The following PPP1R12C variants were observed in gnomAD, a reference collection of about 807,000 sequenced individuals.
PPP1R12C encodes leukocyte receptor cluster (LRC) encoded novel gene 3.
A neutral mutation model predicts 95.6 loss-of-function variants in PPP1R12C; 48 were observed. The observed-to-expected ratio is 0.50, with a 90% CI of 0.40 to 0.64. The LOEUF is 0.64. Among genes scored for constraint, PPP1R12C ranks in the 30% least tolerant of loss-of-function variants. The pLI is 0.00. For synonymous variants in PPP1R12C, 480 were observed against 460.8 expected, an observed-to-expected ratio of 1.04 and a Z score of -0.53; for missense variants, 1,057 against 1,083.3, an observed-to-expected ratio of 0.98 and a Z score of 0.34.
intron 3 of PPP1R12C, among the ~76,000 whole-genome samples, chr19:55,106,041 ATT>A (rs2085034917): frequency 6.6e-6 from 1 of 151,924 alleles, no homozygotes; most frequent in Non-Finnish European, 1.5e-5. Flanking sequence ...CTGAAAGGCG[ATT>A]TTTGTCAATA....
At chr19:55,108,849 G>A (rs2085065913) in intron 3 of PPP1R12C, among the ~76,000 whole-genome samples, 1 of 152,116 alleles carries the variant, frequency 6.6e-6, no homozygotes, top group Admixed American at 6.5e-5. Flanking sequence ...TGAGGTTACA[G>A]GGATGTGCCA....
At chr19:55,113,048 GGGAA>G in intron 1 of PPP1R12C, 1 of 577,868 alleles carries the variant, frequency 1.7e-6, no homozygotes, top group Non-Finnish European at 3.1e-6. Context: ...GAAGTGAACG[GGGAA>G]GGGAGGGGGC....
rs1441659819 is a variant in PPP1R12C at position 55,091,360 on chromosome 19, A to G, written c.*112T>C. 1.7e-6 allele frequency: 2 copies of G among 1,150,214 alleles called. No homozygotes were observed. The highest frequency in any genetic ancestry group is 2.5e-6 in the Non-Finnish European group (2 of 805,846). 71.3% of individuals were successfully genotyped at this position (1,150,214 alleles called of 1,614,324 possible). A position where few individuals can be genotyped will look rare whatever the true frequency, so the allele number is the denominator to read the frequency against. On this transcript the variant is annotated 3_prime_UTR_variant, in exon 22 of 22. Transcript: ENST00000263433. ...CCAGTCCGGAGGTCCCAGGGGGGCTATGGCTTCTCTGAGACTTCCCCCGGA... is the reference window on the plus strand; with the variant it reads ...CCAGTCCGGAGGTCCCAGGGGGGCTGTGGCTTCTCTGAGACTTCCCCCGGA...
intron 6 of PPP1R12C, among the ~76,000 whole-genome samples, chr19:55,097,988 C>A (rs2084940977): frequency 6.6e-6 from 1 of 152,194 alleles, no homozygotes; most frequent in South Asian, 2.1e-4. Flanking sequence ...TGCCCCCCAG[C>A]CTGTGTGAGA....
intron 1 of PPP1R12C, 93 bp from the exon 2 acceptor site, chr19:55,112,888 G>A: frequency 6.5e-7 from 1 of 1,532,258 alleles, no homozygotes; most frequent in South Asian, 1.1e-5. Context: ...AACAGATCCA[G>A]GGACACGGTG....
At position 55,095,869 on chromosome 19, in the gene PPP1R12C, C is replaced by G; in HGVS notation, c.1225G>C (p.Val409Leu). 6 of 1,613,708 alleles carry G rather than the reference C, an allele frequency of 3.7e-6. No homozygotes were observed. The highest frequency in any genetic ancestry group is 2.2e-5 in the South Asian group (2 of 91,080). The change falls in exon 9 of 22, where the codon GTG becomes CTG. Residue 409 changes from valine (V) to leucine (L), a missense_variant and splice_region_variant. Val to Leu is a conservative substitution (Grantham distance 32). Around this residue, in one of 5 missense-constraint regions of PPP1R12C, gnomAD observed 356 missense variants for 330.5 expected, o/e 1.08. Coordinates refer to ENST00000263433, the MANE Select transcript of PPP1R12C (RefSeq NM_017607.4). Reference sequence around the variant, plus strand: ...GACCTCTCAGGGCATCCACTCACCACGGGACTCTTAGGGCTGGGGTGCGGC... The same window carrying G: ...GACCTCTCAGGGCATCCACTCACCAGGGGACTCTTAGGGCTGGGGTGCGGC... ...SPPHPSPKSP[V>L]QLEEAPFSRR...
chr19:55,116,919 C>T (rs2085160338), intron 1 of PPP1R12C, among the ~76,000 whole-genome samples: 1 of 152,056 alleles, frequency 6.6e-6, no homozygotes, highest in African/African-American at 2.4e-5. Flanking sequence ...AAAGCCAGGG[C>T]CAGTTAAAGC....
In PPP1R12C at chr19:55,103,475, C is replaced by T. The variant is rs763251993; in HGVS notation, c.665G>A (p.Arg222Gln). ...WLNGGAMPEARHPRTGASALH... is the reference protein window; with the variant it reads ...WLNGGAMPEAQHPRTGASALH... The stretch of plus-strand genomic sequence containing the variant: ...GGCAGAGGCGCCTGTGCGGGGGTGC[C>T]GGGCCTCTGGCATGGCGCCCCCATT... Residue 222 changes from arginine to glutamine, a missense_variant, in exon 4 of 22, where the codon CGG (arginine) becomes CAG (glutamine). Around this residue, in one of 5 missense-constraint regions of PPP1R12C, gnomAD observed 282 missense variants for 380.4 expected, o/e 0.74. Transcript: ENST00000263433. 1.7e-5 allele frequency: 27 copies of T among 1,599,286 alleles called. No individual in the cohort carries two copies. The highest frequency in any genetic ancestry group is 3.4e-5 in the Admixed American group (2 of 59,148).
At chr19:55,113,474 G>C in intron 1 of PPP1R12C, 1 of 1,473,350 alleles carries the variant, frequency 6.8e-7, no homozygotes, top group Admixed American at 2.4e-5. Flanking sequence ...GGGCTGACAC[G>C]GGCCACCGTT....
Position 55,096,332 on chromosome 19 carries a change from GAAGCTGC to G in PPP1R12C, c.952-4_954del. 1.2e-6 allele frequency: 2 copies of G among 1,613,370 alleles called. No individual in the cohort carries two copies. The highest frequency in any genetic ancestry group is 1.7e-6 in the Non-Finnish European group (2 of 1,179,840). ...CTCTGGGAAGCTTCTTTTTGGTTCC[GAAGCTGC>G]AAGGAGGGAAGGGGGCTGCAGGGGA... On this transcript the variant is annotated splice_acceptor_variant and splice_polypyrimidine_tract_variant and coding_sequence_variant and intron_variant, in exon 7 of 22. Transcript: ENST00000263433. LOFTEE classifies it high-confidence loss of function.
chr19:55,103,134 C>T lies in PPP1R12C; in HGVS notation c.731+275G>A, dbSNP rs566566907. On this transcript the variant is annotated intron_variant, in intron 4 of 21. Transcript: ENST00000263433. The stretch of plus-strand genomic sequence containing the variant: ...CCTGAGCCTGGGGAGTTTGAGGCTG[C>T]AGTGAGCCACGACTGTGCCACTGCA... Among the ~76,000 whole-genome samples the T allele has an allele frequency of 4.6e-5, 7 of 152,244 alleles. No homozygotes were observed. In the East Asian group the frequency reaches 1.4e-3, roughly 29 times the overall value.
intron 3 of PPP1R12C, among the ~76,000 whole-genome samples, chr19:55,103,980 T>C (rs1602993107): frequency 1.5e-5 from 2 of 132,456 alleles, no homozygotes; most frequent in Admixed American, 8.0e-5. Flanking sequence ...TGAAACCCCA[T>C]CTCTACTAAA....
At position 55,096,170 on chromosome 19, in the gene PPP1R12C, A is replaced by C; in HGVS notation, c.1034T>G (p.Val345Gly). The C allele has an allele frequency of 1.2e-6, 2 of 1,606,410 alleles. No homozygotes were observed. Among genetic ancestry groups the C allele is most frequent in the Non-Finnish European group, 1.7e-6 (2 of 1,175,350 alleles). The part of the protein sequence containing the change: ...PSSSKHRRSS[V>G]CRLSSREKIS... ...CTTCTCGCGACTGCTCAGACGACACACAGAGCTCCTGTTGGGGAAGGAGAG... is the reference window on the plus strand; with the variant it reads ...CTTCTCGCGACTGCTCAGACGACACCCAGAGCTCCTGTTGGGGAAGGAGAG... The change falls in exon 8 of 22, where the codon GTG (valine) becomes GGG (glycine). Residue 345 changes from valine to glycine, a missense_variant. By Grantham distance (109) the Val-to-Gly change is moderately radical. This residue lies in a region of PPP1R12C where 356 missense variants were observed against 330.5 expected (regional missense o/e 1.08). Coordinates refer to ENST00000263433, the MANE Select transcript of PPP1R12C (RefSeq NM_017607.4).
In PPP1R12C at chr19:55,099,625, C is replaced by T. The variant is rs372068181; in HGVS notation, c.732-530G>A. 3.2e-4 allele frequency among the ~76,000 whole-genome samples: 49 copies of T among 152,192 alleles called. 1 individual carries two copies. The highest frequency in any genetic ancestry group is 3.1e-3 in the South Asian group (15 of 4,826). On this transcript the variant is annotated intron_variant, in intron 4 of 21. Coordinates refer to ENST00000263433, the MANE Select transcript of PPP1R12C (RefSeq NM_017607.4). Reference sequence around the variant, plus strand: ...AACTTAGGGCAAGGGTTAGCGGCATCGGCTGGGTGGAGGCCAGGGAGGCTG... The same window carrying T: ...AACTTAGGGCAAGGGTTAGCGGCATTGGCTGGGTGGAGGCCAGGGAGGCTG...
At chr19:55,094,530 G>A (rs905391985) in intron 12 of PPP1R12C, 95 bp from the exon 13 acceptor site, 4 of 1,579,190 alleles carry the variant, frequency 2.5e-6, no homozygotes, top group Non-Finnish European at 3.4e-6. Context: ...CTGTGGGAGG[G>A]GACTCCAACT....
intron 1 of PPP1R12C, chr19:55,115,299 C>T (rs2085141788): frequency 6.6e-6 from 1 of 152,170 alleles, no homozygotes; most frequent in Non-Finnish European, 1.5e-5. Context: ...ACAGGTAAAA[C>T]TGACGCACGG....
At chr19:55,091,741 A>C in intron 20 of PPP1R12C, 41 bp from the exon 21 acceptor site, 1 of 1,613,316 alleles carries the variant, frequency 6.2e-7, no homozygotes, top group Non-Finnish European at 8.5e-7. Context: ...AGTGAGGCTG[A>C]GGAGGGCAGG....
Position 55,100,186 on chromosome 19 carries a change from CCT to C in PPP1R12C, c.732-1093_732-1092del, listed in dbSNP as rs1424308156. Among the ~76,000 whole-genome samples the C allele has an allele frequency of 7.2e-5, 11 of 152,364 alleles. No individual in the cohort carries two copies. The East Asian group carries it at 1.2e-3, about 16-fold the overall frequency. On this transcript the variant is annotated intron_variant, in intron 4 of 21. Coordinates refer to ENST00000263433, the MANE Select transcript of PPP1R12C (RefSeq NM_017607.4). ...TTGGCAGTCACCACCCCCTCATCCC[CCT>C]GTCTCCTGACCCCAAAGCCCCTCCT...
At chr19:55,097,157 CACCCCTTCCCT>C (rs1293190518) in intron 6 of PPP1R12C, 1 of 252,940 alleles carries the variant, frequency 4.0e-6, no homozygotes, top group Non-Finnish European at 7.3e-6. Context: ...CCACCGTCTT[CACCCCTTCCCT>C]GCAGTTCACC....
Sources: allele counts gnomAD v4.1 joint callset (sites outside exome capture counted in the v4.1 genomes callset), GRCh38; gene constraint gnomAD v4.1.1; regional missense constraint gnomAD v4.1.1; transcripts MANE v1.5; gene names NCBI Gene and HGNC (gene_info 2026-07-23, HGNC 2026-07-21).